XG: variants seen among roughly 807,000 people sequenced by gnomAD.
XG encodes Xg glycoprotein (Xg blood group).
XG carries 24 observed loss-of-function variants against 25.7 expected under a neutral mutation model. That is an observed-to-expected ratio of 0.93 (90% CI 0.68 to 1.31). The LOEUF (loss-of-function observed/expected upper bound fraction) is 1.31. Ranked by LOEUF, XG falls within the 40% of genes most tolerant of loss-of-function variation. XG has a pLI of 0.00. For synonymous variants in XG, 77 were observed against 69.2 expected, an observed-to-expected ratio of 1.11 and a Z score of -0.56; for missense variants, 181 against 187.6, an observed-to-expected ratio of 0.96 and a Z score of 0.21.
intron 10 of XG, among the ~76,000 whole-genome samples, chrX:2,812,837 T>C (rs779401056): frequency 8.9e-6 from 1 of 111,985 alleles, no homozygotes; most frequent in Non-Finnish European, 1.9e-5. Context: ...TTTGTGGCAG[T>C]GATTTGTAAG....
intron 1 of XG, among the ~76,000 whole-genome samples, chrX:2,758,391 C>T (rs1352101110): frequency 6.6e-6 from 1 of 152,168 alleles, no homozygotes; most frequent in Non-Finnish European, 1.5e-5. Flanking sequence ...TTTTAAGAAG[C>T]ACCCCAGGTG....
chrX:2,772,959 T>C (rs1440637517), intron 2 of XG, among the ~76,000 whole-genome samples: 1 of 152,112 alleles, frequency 6.6e-6, no homozygotes, highest in Admixed American at 6.5e-5. Context: ...GGGAATTCAC[T>C]TTTCACTGTC....
intron 3 of XG, among the ~76,000 whole-genome samples, chrX:2,778,186 G>T (rs944103931): frequency 6.6e-6 from 1 of 152,062 alleles, no homozygotes; most frequent in African/African-American, 2.4e-5. Context: ...AGATCTAAGT[G>T]TGAGATTTTA....
chrX:2,770,623 C>G (rs376641537), intron 2 of XG, 32 bp downstream of exon 2: 160 of 1,613,476 alleles, frequency 9.9e-5, no homozygotes, highest in Non-Finnish European at 1.3e-4. Flanking sequence ...GGAGCCTTCC[C>G]TTTTCAGCTT....
chrX:2,807,077 AT>A (rs761983451), intron 8 of XG, among the ~76,000 whole-genome samples: 20 of 112,360 alleles, frequency 1.8e-4, no homozygotes, highest in African/African-American at 6.1e-4. Flanking sequence ...GTGCATGTGG[AT>A]TTTGTAATCA....
At chrX:2,777,042 C>T (rs2051014316) in intron 3 of XG, among the ~76,000 whole-genome samples, 1 of 152,188 alleles carries the variant, frequency 6.6e-6, no homozygotes, top group Non-Finnish European at 1.5e-5. Flanking sequence ...ACAAGAAGCT[C>T]TGCAAATTTT....
At chrX:2,808,683 A>G (rs1230963537) in intron 9 of XG, 1 of 392,223 alleles carries the variant, frequency 2.5e-6, no homozygotes, top group Non-Finnish European at 3.2e-6. Flanking sequence ...TGTGTCCTGT[A>G]TTGTTGGGAG....
rs923915548 is a variant in XG, at chrX:2,752,177, G to C, written c.-98G>C. ...ACATCGCCTCCCTTCCTTCCAAGCT[G>C]GGAGACCAGAAGTCAACAACAGGAG... On this transcript the variant is annotated 5_prime_UTR_variant, in exon 1 of 11. Coordinates refer to ENST00000644266, the MANE Select transcript of XG (RefSeq NM_001141919.2). The C allele has an allele frequency of 6.3e-7, 1 of 1,578,260 alleles. No individual in the cohort carries two copies. Among genetic ancestry groups the C allele is most frequent in the Admixed American group, 1.8e-5 (1 of 54,550 alleles).
chrX:2,754,557 C>A (rs1347551660), intron 1 of XG, among the ~76,000 whole-genome samples: 2 of 152,070 alleles, frequency 1.3e-5, no homozygotes, highest in Non-Finnish European at 2.9e-5. Context: ...AGAACTAATG[C>A]AATAGAAATA....
At position 2,816,141 on chromosome X, in the gene XG, C is replaced by T. The variant is rs890635271; in HGVS notation, c.*1761C>T. Reference sequence around the variant, plus strand: ...CTGGGTGACAAGGCTAACGTTCAAGCTACTTAAGATGAAAATATTTGAATC... The same window carrying T: ...CTGGGTGACAAGGCTAACGTTCAAGTTACTTAAGATGAAAATATTTGAATC... On this transcript the variant is annotated 3_prime_UTR_variant, in exon 11 of 11. Transcript: ENST00000644266. The T allele has an allele frequency of 8.0e-5, 9 of 111,964 alleles. No individual in the cohort carries two copies. The highest frequency in any genetic ancestry group is 1.9e-4 in the Admixed American group (2 of 10,522). The allele number at this position is 111,964 out of a possible 1,213,427, so 9.2% of individuals were successfully genotyped here. A position where few individuals can be genotyped will look rare whatever the true frequency, so the allele number is the denominator to read the frequency against.
In XG at chrX:2,813,180, G is replaced by A. The variant is rs762810556; in HGVS notation, c.572-1184G>A. On this transcript the variant is annotated intron_variant, in intron 10 of 10. Transcript: ENST00000644266. The stretch of plus-strand genomic sequence containing the variant: ...TTGTCTACTTTCTCCATTGTACTTC[G>A]ATGATACCCTCACCAGGTATTCCCA... Among the ~76,000 whole-genome samples the A allele has an allele frequency of 4.5e-4, 49 of 109,879 alleles. 1 individual carries two copies. The highest frequency in any genetic ancestry group is 1.6e-3 in the African/African-American group (49 of 30,216).
intron 1 of XG, among the ~76,000 whole-genome samples, chrX:2,757,961 G>A (rs1292340214): frequency 9.3e-6 from 1 of 107,362 alleles, no homozygotes. Context: ...GACAGAGTAA[G>A]ACTCCATCTC....
At chrX:2,789,733 T>A in intron 5 of XG, 27 bp downstream of exon 5, 1 of 661,230 alleles carries the variant, frequency 1.5e-6, no homozygotes, top group Non-Finnish European at 2.0e-6. Context: ...TATTTATTTT[T>A]ATTTTATTTT....
At chrX:2,776,565 C>CTAAG (rs2050997015) in intron 3 of XG, among the ~76,000 whole-genome samples, 1 of 151,870 alleles carries the variant, frequency 6.6e-6, no homozygotes, top group African/African-American at 2.4e-5. Context: ...GCTCTCTTAG[C>CTAAG]TAAGGGAGAG....
chrX:2,770,103 G>T (rs1395473212), intron 1 of XG, among the ~76,000 whole-genome samples: 16 of 152,058 alleles, frequency 1.1e-4, no homozygotes, highest in Non-Finnish European at 2.9e-5. Context: ...CTATGTGCTT[G>T]GAGAGAGGCT....
At chrX:2,797,154 A>G (rs745887268) in intron 6 of XG, among the ~76,000 whole-genome samples, 156 bp from the exon 7 acceptor site, 66 of 110,205 alleles carry the variant, frequency 6.0e-4, no homozygotes, top group Non-Finnish European at 9.9e-4. Context: ...GCCACCCTTG[A>G]CTCTCCCCTG....
At chrX:2,761,460 A>C (rs2050563688) in intron 1 of XG, among the ~76,000 whole-genome samples, 1 of 151,960 alleles carries the variant, frequency 6.6e-6, no homozygotes, top group Non-Finnish European at 1.5e-5. Flanking sequence ...CCTGCAATGG[A>C]CTAAGACATC....
rs73190963 is a variant in XG, at chrX:2,795,527, G to A, written c.322+924G>A. Among the ~76,000 whole-genome samples the A allele has an allele frequency of 7.6e-3, 811 of 106,623 alleles. 5 individuals are homozygous for A. The highest frequency in any genetic ancestry group is 0.012 in the Non-Finnish European group (636 of 52,124). The allele number at this position is 106,623 out of a possible 115,157, so 92.6% of individuals were successfully genotyped here. A position where few individuals can be genotyped will look rare whatever the true frequency, so the allele number is the denominator to read the frequency against. ...TGTGTGTATAAATGCCTTTATATAC[G>A]TACACATATACCTTTATGTGTATAT... On this transcript the variant is annotated intron_variant, in intron 6 of 10. Coordinates refer to ENST00000644266, the MANE Select transcript of XG (RefSeq NM_001141919.2).
chrX:2,784,758 C>G (rs5982855), intron 4 of XG, among the ~76,000 whole-genome samples: 19,768 of 110,560 alleles, frequency 0.18, 2,649 homozygotes, highest in African/African-American at 0.47. Context: ...AAGCCTCAAT[C>G]TCCTGATGCT....
Sources: allele counts gnomAD v4.1 joint callset (sites outside exome capture counted in the v4.1 genomes callset), GRCh38; gene constraint gnomAD v4.1.1; transcripts MANE v1.5; gene names NCBI Gene and HGNC (gene_info 2026-07-23, HGNC 2026-07-21).